The following COL17A1 variants were observed in gnomAD, a reference collection of about 807,000 sequenced individuals.
COL17A1 encodes collagen alpha-1(XVII) chain.
COL17A1 carries 181 observed loss-of-function variants against 218.4 expected under a neutral mutation model. The observed-to-expected ratio is 0.83, with a 90% CI of 0.73 to 0.94. The LOEUF (loss-of-function observed/expected upper bound fraction) is 0.94, where lower values mean the gene tolerates loss of function less well. Among genes scored for constraint, COL17A1 ranks in the 40% least tolerant of loss-of-function variants. The pLI, the probability that COL17A1 is intolerant of heterozygous loss-of-function variation, is 0.00. For missense variants in COL17A1, 1,924 were observed against 1,945.9 expected (o/e 0.99, Z 0.21); for synonymous variants, 721 against 731.0 (o/e 0.99, Z 0.22).
chr10:104,077,697 GTTTTTTGTTT>G (rs2086723804), intron 3 of COL17A1, among the ~76,000 whole-genome samples, 171 bp from the exon 4 acceptor site: 4 of 63,830 alleles, frequency 6.3e-5, no homozygotes, highest in African/African-American at 1.5e-4. Context: ...AGTTTCGTTG[GTTTTTTGTTT>G]TGTTTTGTTT....
At chr10:104,059,190 C>A (rs902108222) in intron 15 of COL17A1, 3 of 233,102 alleles carry the variant, frequency 1.3e-5, no homozygotes, top group Non-Finnish European at 2.6e-5. Context: ...TAACATTTTC[C>A]TTCCTTTACT....
At chr10:104,047,268 C>A (rs1275082433) in intron 31 of COL17A1, among the ~76,000 whole-genome samples, 1 of 150,728 alleles carries the variant, frequency 6.6e-6, no homozygotes, top group Non-Finnish European at 1.5e-5. Flanking sequence ...TCGGTGGAGA[C>A]TCTAACAATG....
intron 9 of COL17A1, among the ~76,000 whole-genome samples, chr10:104,066,923 G>C (rs1425352510): frequency 1.3e-5 from 2 of 152,136 alleles, no homozygotes; most frequent in Non-Finnish European, 2.9e-5. Context: ...CTAAGGTTAG[G>C]AATTTTAAAT....
At position 104,039,592 on chromosome 10, in the gene COL17A1, G is replaced by A. The variant is rs77496067; in HGVS notation, c.2821+16C>T. ...GCTCTGGCCAGAGCCAGAATGGGGCGGGGTTCAGCCCTTACCTGAGGTTGA... is the reference window on the plus strand; with the variant it reads ...GCTCTGGCCAGAGCCAGAATGGGGCAGGGTTCAGCCCTTACCTGAGGTTGA... On this transcript the variant is annotated intron_variant, in intron 42 of 55. Coordinates refer to ENST00000648076, the MANE Select transcript of COL17A1 (RefSeq NM_000494.4). The A allele has an allele frequency of 1.8e-4, 294 of 1,614,136 alleles. 1 individual carries two copies. The East Asian group carries it at 4.1e-3, about 22-fold the overall frequency.
intron 35 of COL17A1, among the ~76,000 whole-genome samples, chr10:104,043,072 A>T (rs2086376017): frequency 6.6e-6 from 1 of 152,236 alleles, no homozygotes; most frequent in African/African-American, 2.4e-5. Flanking sequence ...ATTTTCTTCA[A>T]ATAGATACCT....
rs2086416022 is a variant in COL17A1 at position 104,046,910 on chromosome 10, G to A, written c.2336-137C>T. 3.7e-6 allele frequency: 3 copies of A among 803,706 alleles called. No individual in the cohort carries two copies. The Admixed American group carries it at 6.0e-5, about 16-fold the overall frequency. The allele number at this position is 803,706 out of a possible 1,614,324, so 49.8% of individuals were successfully genotyped here. On this transcript the variant is annotated intron_variant, in intron 31 of 55. Coordinates refer to ENST00000648076, the MANE Select transcript of COL17A1 (RefSeq NM_000494.4). ...ACAGAAGGACACGTCTCATGCCGGGGCAGCCAGCATCCTTGGACCTCTCAG... is the reference window on the plus strand; with the variant it reads ...ACAGAAGGACACGTCTCATGCCGGGACAGCCAGCATCCTTGGACCTCTCAG...
intron 11 of COL17A1, among the ~76,000 whole-genome samples, chr10:104,063,076 A>C (rs1371789693): frequency 1.3e-5 from 2 of 152,234 alleles, no homozygotes; most frequent in Non-Finnish European, 2.9e-5. Flanking sequence ...GGTGCTGAAA[A>C]TCTGAATGCA....
intron 8 of COL17A1, among the ~76,000 whole-genome samples, chr10:104,070,968 T>G (rs572028787): frequency 1.7e-3 from 256 of 152,298 alleles, no homozygotes; most frequent in Non-Finnish European, 2.7e-3. Flanking sequence ...GCATCTGATA[T>G]TGGGTCCTTG....
intron 3 of COL17A1, 87 bp from the exon 4 acceptor site, chr10:104,077,613 G>GGT: frequency 9.3e-7 from 1 of 1,078,110 alleles, no homozygotes; most frequent in Non-Finnish European, 1.4e-6. Flanking sequence ...AGGCTTCCCT[G>GGT]GTTTTTCACC....
chr10:104,037,348 T>C (rs1359919129), intron 46 of COL17A1, among the ~76,000 whole-genome samples: 6 of 151,744 alleles, frequency 4.0e-5, no homozygotes, highest in African/African-American at 1.5e-4. Flanking sequence ...GCCTAATGCC[T>C]GCCAGATGCT....
At chr10:104,041,624 T>C (rs2134586816) in intron 36 of COL17A1, 86 bp from the exon 37 acceptor site, 1 of 1,154,682 alleles carries the variant, frequency 8.7e-7, no homozygotes, top group East Asian at 2.5e-5. Context: ...GGATCTGCAG[T>C]TCCAGGCACT....
At chr10:104,040,143 C>T (rs887062345) in intron 40 of COL17A1, 144 bp from the exon 41 acceptor site, 22 of 1,038,030 alleles carry the variant, frequency 2.1e-5, no homozygotes, top group Middle Eastern at 2.1e-4. Context: ...CTCACTAGGC[C>T]AATGTTGGGT....
chr10:104,058,777 CA>C (rs2086555178), intron 15 of COL17A1, among the ~76,000 whole-genome samples: 1 of 151,874 alleles, frequency 6.6e-6, no homozygotes, highest in African/African-American at 2.4e-5. Context: ...ACTAAAAATA[CA>C]AAAAAATTAG....
intron 46 of COL17A1, 138 bp downstream of exon 46, chr10:104,037,498 G>C (rs1459569944): frequency 5.0e-6 from 6 of 1,201,930 alleles, no homozygotes; most frequent in Non-Finnish European, 6.2e-6. Flanking sequence ...CCAGTGGCCC[G>C]ATTATTATGA....
chr10:104,036,781 G>T, intron 47 of COL17A1, 149 bp from the exon 48 acceptor site: 1 of 1,024,670 alleles, frequency 9.8e-7, no homozygotes, highest in Non-Finnish European at 1.5e-6. Flanking sequence ...GTTCAGGGGG[G>T]ACACCAGCAA....
chr10:104,054,849 C>T (rs2086504434), intron 20 of COL17A1, 132 bp downstream of exon 20: 3 of 1,424,792 alleles, frequency 2.1e-6, no homozygotes, highest in South Asian at 2.5e-5. Flanking sequence ...AACCTCTCCT[C>T]CTCACACACC....
intron 48 of COL17A1, among the ~76,000 whole-genome samples, chr10:104,036,091 T>TGTGTGTATGGGA (rs2086290597): frequency 5.8e-4 from 2 of 3,448 alleles, no homozygotes; most frequent in African/African-American, 1.4e-3. Context: ...TGTATGGGAG[T>TGTGTGTATGGGA]GTGTGTGTAT....
Position 104,039,639 on chromosome 10 carries a change from G to A in COL17A1, c.2790C>T (p.Gly930=), listed in dbSNP as rs778645529. The stretch of plus-strand genomic sequence containing the variant: ...TTGAGAAACCTGGGAGGCCTTGCTC[G>A]CCTGAGGAACACACCAAGGGAGGGA... ...QGPPGPRGHQ[G]EQGLPGFSTS... The change falls in exon 42 of 56, where the codon GGC becomes GGT. Residue 930 remains glycine, a splice_region_variant and synonymous_variant. Coordinates refer to ENST00000648076, the MANE Select transcript of COL17A1 (RefSeq NM_000494.4). The A allele has an allele frequency of 4.3e-6, 7 of 1,614,002 alleles. No homozygotes were observed. Among genetic ancestry groups the A allele is most frequent in the Admixed American group, 3.3e-5 (2 of 60,006 alleles).
At position 104,035,580 on chromosome 10, in the gene COL17A1, T is replaced by C. The variant is rs1479487151; in HGVS notation, c.3419-17A>G. 1 of 1,605,804 alleles carries C rather than the reference T, an allele frequency of 6.2e-7. No homozygotes were observed. Among genetic ancestry groups the C allele is most frequent in the South Asian group, 1.1e-5 (1 of 90,384 alleles). On this transcript the variant is annotated splice_polypyrimidine_tract_variant and intron_variant, in intron 48 of 55. Transcript: ENST00000648076. ...TCCCAGAACCTAGGGAGGTGATGGA[T>C]TCAGATCAGGCAGGGGGAGGCAGAT...
Sources: allele counts gnomAD v4.1 joint callset (sites outside exome capture counted in the v4.1 genomes callset), GRCh38; gene constraint gnomAD v4.1.1; transcripts MANE v1.5; gene names NCBI Gene and HGNC (gene_info 2026-07-23, HGNC 2026-07-21).